Variants in SPAG17 observed in about 807,000 individuals in gnomAD.
SPAG17 encodes sperm-associated antigen 17.
Under a neutral mutation model 273.6 loss-of-function variants are expected in SPAG17, and 169 were observed. The observed-to-expected ratio is 0.62, with a 90% CI of 0.55 to 0.70. The LOEUF (loss-of-function observed/expected upper bound fraction) is 0.70. Ranked by LOEUF, SPAG17 falls within the 30% of genes least tolerant of loss-of-function variation. The probability of loss-of-function intolerance (pLI) is 0.00; values close to 1 mark genes in which losing one functional copy is unlikely to be tolerated. For synonymous variants in SPAG17, 825 were observed against 873.2 expected (o/e 0.94, Z 0.97); for missense variants, 2,557 against 2,627.8 (o/e 0.97, Z 0.59).
chr1:117,987,848 C>T lies in SPAG17; in HGVS notation c.5655G>A (p.Lys1885=), dbSNP rs115088568. Residue 1885 remains lysine, a synonymous_variant, in exon 40 of 49, where the codon AAG becomes AAA. Coordinates refer to ENST00000336338, the MANE Select transcript of SPAG17 (RefSeq NM_206996.4). ...GGTATAATTACCTCGTTTTGTCTAT[C>T]TTTTCTTTCCAGCGTTTTGAGGATG... ...HTASSKRWKE[K]IDKTRKEIET... 7.5e-4 allele frequency: 1,211 copies of T among 1,612,330 alleles called. 12 individuals carry two copies. In the African/African-American group the frequency reaches 0.014, roughly 19 times the overall value.
intron 24 of SPAG17, among the ~76,000 whole-genome samples, chr1:118,034,190 A>G (rs916734233): frequency 6.6e-6 from 1 of 152,218 alleles, no homozygotes; most frequent in African/African-American, 2.4e-5. Context: ...TGGATAGCCA[A>G]TGATGGATGA....
chr1:118,168,430 T>C (rs1660272372), intron 1 of SPAG17, among the ~76,000 whole-genome samples: 1 of 152,182 alleles, frequency 6.6e-6, no homozygotes, highest in Non-Finnish European at 1.5e-5. Flanking sequence ...TTGGAGATAT[T>C]GAATTTAAGT....
At chr1:118,176,036 C>G (rs1660681949) in intron 1 of SPAG17, among the ~76,000 whole-genome samples, 1 of 152,090 alleles carries the variant, frequency 6.6e-6, no homozygotes, top group Non-Finnish European at 1.5e-5. Context: ...CTTTTCTAAG[C>G]TAAGTGATCA....
At chr1:118,175,432 G>A (rs1660647232) in intron 1 of SPAG17, among the ~76,000 whole-genome samples, 1 of 151,820 alleles carries the variant, frequency 6.6e-6, no homozygotes, top group Non-Finnish European at 1.5e-5. Context: ...AACTCTCAAA[G>A]GTCAAGGACA....
intron 48 of SPAG17, chr1:117,960,147 T>TGC (rs61181793): frequency 1.7e-5 from 2 of 119,652 alleles, no homozygotes; most frequent in South Asian, 5.9e-4. Context: ...TGTGTGTGTG[T>TGC]ATGTGTATGT....
intron 1 of SPAG17, among the ~76,000 whole-genome samples, chr1:118,170,153 A>C (rs1246764689): frequency 6.6e-6 from 1 of 152,162 alleles, no homozygotes; most frequent in East Asian, 1.9e-4. Flanking sequence ...ACATTTCTTC[A>C]TATTTCAAAG....
At chr1:118,074,143 C>CT (rs958086855) in intron 16 of SPAG17, among the ~76,000 whole-genome samples, 176 bp from the exon 17 acceptor site, 23 of 147,860 alleles carry the variant, frequency 1.6e-4, no homozygotes, top group South Asian at 1.5e-3. Context: ...ATGCCTTTGA[C>CT]TTTTTTTTTT....
chr1:117,990,796 T>G (rs1440313153), intron 38 of SPAG17, 65 bp downstream of exon 38: 18 of 1,028,748 alleles, frequency 1.7e-5, no homozygotes, highest in Non-Finnish European at 2.5e-5. Flanking sequence ...GACCGATAAG[T>G]GTATTTAAGA....
Position 118,097,704 on chromosome 1 carries a change from T to G in SPAG17, c.977A>C (p.Asp326Ala). ...ARLEYMVKAA[D>A]FPSDWSDGEM... is the part of the protein sequence containing the mutation. ...ACCATCTGACCAGTCAGAAGGAAAA[T>G]CAGCTGCTTTGACCATGTACTCAAG... Residue 326 changes from aspartate to alanine, a missense_variant, in exon 7 of 49, where the codon GAT becomes GCT. By Grantham distance (126) the Asp-to-Ala change is moderately radical. Transcript: ENST00000336338. The G allele has an allele frequency of 6.2e-7, 1 of 1,606,308 alleles. No homozygotes were observed.
intron 1 of SPAG17, among the ~76,000 whole-genome samples, chr1:118,159,878 C>T (rs539340609): frequency 6.6e-6 from 1 of 152,254 alleles, no homozygotes; most frequent in Admixed American, 6.5e-5. Context: ...TAACTATCTC[C>T]CCACCCCCAA....
chr1:118,006,742 G>GTATACCTCA (rs1348947316), intron 31 of SPAG17, among the ~76,000 whole-genome samples: 165 of 152,148 alleles, frequency 1.1e-3, no homozygotes, highest in Admixed American at 5.6e-3. Context: ...AATTTCTGAG[G>GTATACCTCA]GTTCCAATTT....
Position 118,055,957 on chromosome 1 carries a change from G to A in SPAG17, c.2541-43C>T, listed in dbSNP as rs752334225. On this transcript the variant is annotated intron_variant, in intron 18 of 48. Transcript: ENST00000336338. ...AGACGTCAATTGAGTTACTATGAAA[G>A]TCAATAAATACTAAGGATATTGACT... 4.0e-6 allele frequency: 6 copies of A among 1,495,530 alleles called. No individual in the cohort carries two copies. In the South Asian group the frequency reaches 7.4e-5, roughly 18 times the overall value. The allele number at this position is 1,495,530 out of a possible 1,614,324, so 92.6% of individuals were successfully genotyped here.
At chr1:117,967,253 G>A (rs1420173674) in intron 46 of SPAG17, among the ~76,000 whole-genome samples, 3 of 146,390 alleles carry the variant, frequency 2.0e-5, no homozygotes, top group Non-Finnish European at 3.0e-5. Flanking sequence ...AGCCGAGATC[G>A]CGCCACTGCA....
Position 118,148,142 on chromosome 1 carries a change from CAG to C in SPAG17, c.315+2399_315+2400del, listed in dbSNP as rs149453299. Among the ~76,000 whole-genome samples the C allele has an allele frequency of 4.5e-3, 688 of 152,270 alleles. 4 individuals carry two copies. Among genetic ancestry groups the C allele is most frequent in the African/African-American group, 0.016 (653 of 41,548 alleles). On this transcript the variant is annotated intron_variant, in intron 3 of 48. Transcript: ENST00000336338. ...ATCTTTTATCTCTTCTCCCACAGTGCAGAGTTTCCTTTGAGAAATGGGATGTT... is the reference window on the plus strand; with the variant it reads ...ATCTTTTATCTCTTCTCCCACAGTGCAGTTTCCTTTGAGAAATGGGATGTT...
chr1:118,095,412 G>C (rs115610485), intron 7 of SPAG17, among the ~76,000 whole-genome samples: 2 of 152,188 alleles, frequency 1.3e-5, no homozygotes, highest in Non-Finnish European at 2.9e-5. Flanking sequence ...TACTTGGCTT[G>C]AGGCTGACTT....
intron 3 of SPAG17, among the ~76,000 whole-genome samples, chr1:118,125,860 C>T (rs1558030982): frequency 6.6e-6 from 1 of 152,112 alleles, no homozygotes; most frequent in Non-Finnish European, 1.5e-5. Flanking sequence ...CTTTAATATA[C>T]TGGTTTCTTT....
intron 25 of SPAG17, among the ~76,000 whole-genome samples, chr1:118,031,177 C>CTTTCT (rs1648417021): frequency 1.8e-5 from 1 of 54,918 alleles, no homozygotes; most frequent in Non-Finnish European, 3.4e-5. Context: ...GAGGACTACT[C>CTTTCT]TTTTTTTTTT....
intron 3 of SPAG17, among the ~76,000 whole-genome samples, chr1:118,146,108 C>T (rs72699604): frequency 0.029 from 4,420 of 152,208 alleles, 78 homozygotes; most frequent in Middle Eastern, 0.061. Context: ...GATAAGTAAA[C>T]CCCTATCAAC....
At position 118,086,770 on chromosome 1, in the gene SPAG17, T is replaced by C. The variant is rs758394689; in HGVS notation, c.1512A>G (p.Ile504Met). 35 of 1,614,028 alleles carry C rather than the reference T, an allele frequency of 2.2e-5. No homozygotes were observed. The highest frequency in any genetic ancestry group is 2.8e-5 in the Non-Finnish European group (33 of 1,180,014). The change falls in exon 12 of 49, where the codon ATA (isoleucine) becomes ATG (methionine). Residue 504 changes from isoleucine (I) to methionine (M), a missense_variant. Transcript: ENST00000336338. Reference protein sequence around the residue: ...SEREKKNLHDIFLSEEENESK... With the variant: ...SEREKKNLHDMFLSEEENESK... Reference sequence around the variant, plus strand: ...TTTCATTTTCTTCTTCAGATAAAAATATGTCATGAAGATTCTATGCAAATT... The same window carrying C: ...TTTCATTTTCTTCTTCAGATAAAAACATGTCATGAAGATTCTATGCAAATT...
Sources: gnomAD v4.1 joint callset for allele counts (sites outside exome capture counted in the v4.1 genomes callset) on GRCh38, gnomAD v4.1.1 for gene constraint, MANE v1.5 for transcripts, NCBI Gene and HGNC (gene_info 2026-07-23, HGNC 2026-07-21) for gene names.